Variants in ACAP2 observed in about 807,000 individuals in gnomAD.
The protein encoded by ACAP2 is arf-GAP with coiled-coil, ANK repeat and PH domain-containing protein 2.
In ACAP2, 39 loss-of-function variants were observed where a neutral mutation model predicts 115.8. The observed-to-expected ratio is 0.34, with a 90% confidence interval of 0.26 to 0.44. The LOEUF (loss-of-function observed/expected upper bound fraction) is 0.44, where lower values mean the gene tolerates loss of function less well. Ranked by LOEUF, ACAP2 falls within the 20% of genes least tolerant of loss-of-function variation. The probability of loss-of-function intolerance (pLI) is 1.00; values close to 1 mark genes in which losing one functional copy is unlikely to be tolerated. For missense variants in ACAP2, 662 were observed against 927.6 expected (o/e 0.71, Z 3.72); for synonymous variants, 289 against 315.8 (o/e 0.92, Z 0.90).
intron 4 of ACAP2, among the ~76,000 whole-genome samples, chr3:195,352,140 T>C (rs1208615807): frequency 6.6e-6 from 1 of 152,244 alleles, no homozygotes; most frequent in Non-Finnish European, 1.5e-5. Context: ...CTGTACTTTT[T>C]CTATGTTTAA....
intron 4 of ACAP2, among the ~76,000 whole-genome samples, chr3:195,367,501 C>CTA (rs752988678): frequency 6.6e-6 from 1 of 152,114 alleles, no homozygotes; most frequent in Non-Finnish European, 1.5e-5. Context: ...GAAAGGCAAC[C>CTA]TATATATATG....
chr3:195,328,500 C>T (rs537621565), intron 8 of ACAP2, among the ~76,000 whole-genome samples: 125 of 152,204 alleles, frequency 8.2e-4, no homozygotes, highest in South Asian at 1.4e-3. Flanking sequence ...ACTCTATGAT[C>T]TAATACACAC....
rs1727600148 is a variant in ACAP2, at chr3:195,295,689, G to A, written c.1672+19C>T. ...GCTTAAGAAAATAGCTATAGACACA[G>A]TAAGAAAGTTTGCCATACCTGAACT... is the stretch of plus-strand genomic sequence containing the variant. On this transcript the variant is annotated intron_variant, in intron 17 of 22. Transcript: ENST00000326793. The A allele has an allele frequency of 1.2e-6, 2 of 1,613,742 alleles. No homozygotes were observed. Among genetic ancestry groups the A allele is most frequent in the Non-Finnish European group, 1.7e-6 (2 of 1,179,708 alleles).
chr3:195,433,723 C>G (rs1577478369), intron 1 of ACAP2, among the ~76,000 whole-genome samples: 1 of 152,232 alleles, frequency 6.6e-6, no homozygotes, highest in East Asian at 1.9e-4. Flanking sequence ...TAATACTTTA[C>G]CCTATTATTA....
chr3:195,411,778 C>T (rs1157836828), intron 1 of ACAP2, among the ~76,000 whole-genome samples: 2 of 152,076 alleles, frequency 1.3e-5, no homozygotes, highest in Admixed American at 1.3e-4. Flanking sequence ...GGAGTGGTGG[C>T]TCATGCCTGT....
rs186273666 is a variant in ACAP2 at position 195,423,874 on chromosome 3, T to C, written c.53+18921A>G. Among the ~76,000 whole-genome samples, 77 of 152,206 alleles carry C rather than the reference T, an allele frequency of 5.1e-4. 1 individual carries two copies. The highest frequency in any genetic ancestry group is 1.7e-3 in the African/African-American group (72 of 41,532). On this transcript the variant is annotated intron_variant, in intron 1 of 22. Coordinates refer to ENST00000326793, the MANE Select transcript of ACAP2 (RefSeq NM_012287.6). Reference sequence around the variant, plus strand: ...TAGCACACATGTAGAAATGATGATATAATTTGCAGGGACTATTGACAAAAA... The same window carrying C: ...TAGCACACATGTAGAAATGATGATACAATTTGCAGGGACTATTGACAAAAA...
chr3:195,403,175 G>A (rs577775181), intron 1 of ACAP2, among the ~76,000 whole-genome samples: 10 of 152,300 alleles, frequency 6.6e-5, no homozygotes, highest in Admixed American at 2.0e-4. Flanking sequence ...GTGTTAACAG[G>A]CAGAAAAAGC....
At chr3:195,285,912 A>T in intron 21 of ACAP2, 55 bp from the exon 22 acceptor site, 1 of 1,316,950 alleles carries the variant, frequency 7.6e-7, no homozygotes, top group Non-Finnish European at 1.1e-6. Context: ...AAATGTCATA[A>T]ATAAAGTCTA....
At chr3:195,340,594 T>C (rs1302858316) in intron 6 of ACAP2, among the ~76,000 whole-genome samples, 1 of 152,024 alleles carries the variant, frequency 6.6e-6, no homozygotes, top group Non-Finnish European at 1.5e-5. Flanking sequence ...AAATAGAAGT[T>C]GGGAGGAAGA....
chr3:195,385,545 G>C (rs747163298), intron 2 of ACAP2, among the ~76,000 whole-genome samples: 38 of 151,852 alleles, frequency 2.5e-4, no homozygotes, highest in Non-Finnish European at 4.3e-4. Flanking sequence ...AAACTAAAAT[G>C]GTAAGAACAG....
intron 1 of ACAP2, among the ~76,000 whole-genome samples, chr3:195,413,477 G>A (rs1023991956): frequency 3.3e-5 from 5 of 152,076 alleles, no homozygotes; most frequent in South Asian, 2.1e-4. Flanking sequence ...GGCCGGACAC[G>A]ATGGCTCATG....
chr3:195,388,557 C>T (rs1274289075), intron 2 of ACAP2, among the ~76,000 whole-genome samples: 1 of 152,202 alleles, frequency 6.6e-6, no homozygotes, highest in Non-Finnish European at 1.5e-5. Context: ...ATAGGTGGAA[C>T]TTGCCCTGCA....
chr3:195,366,831 A>C (rs1006740178), intron 4 of ACAP2, among the ~76,000 whole-genome samples: 1 of 152,194 alleles, frequency 6.6e-6, no homozygotes, highest in Non-Finnish European at 1.5e-5. Context: ...TGGCAGATAC[A>C]GTCTCCGTAA....
At chr3:195,398,047 T>C in intron 1 of ACAP2, among the ~76,000 whole-genome samples, 1 of 152,230 alleles carries the variant, frequency 6.6e-6, no homozygotes, top group East Asian at 1.9e-4. Context: ...ACAATACTGC[T>C]GTCCCTTTCC....
rs1233379693 is a variant in ACAP2, at chr3:195,294,760, G to A, written c.1724C>T (p.Ser575Phe). 2.5e-6 allele frequency: 4 copies of A among 1,610,630 alleles called. No homozygotes were observed. The highest frequency in any genetic ancestry group is 3.4e-6 in the Non-Finnish European group (4 of 1,177,890). ...ATTGGCTGACACCGTGGAGGGTAAAGATTCTCTTCCATCATCAGAGCTCTG... is the reference window on the plus strand; with the variant it reads ...ATTGGCTGACACCGTGGAGGGTAAAAATTCTCTTCCATCATCAGAGCTCTG... ...IQQSSDDGRE[S>F]LPSTVSANSL... Residue 575 changes from serine to phenylalanine, a missense_variant, in exon 18 of 23, where the codon TCT (serine) becomes TTT (phenylalanine). Physicochemically the swap from Ser to Phe is radical, Grantham distance 155 (BLOSUM62 -2). This residue lies in a region of ACAP2 where 133 missense variants were observed against 123.1 expected (regional missense o/e 1.08). Transcript: ENST00000326793.
chr3:195,395,082 AAT>A (rs1711631825), intron 1 of ACAP2, among the ~76,000 whole-genome samples: 1 of 145,036 alleles, frequency 6.9e-6, no homozygotes, highest in African/African-American at 2.9e-5. Context: ...TTAAAAAACT[AAT>A]AAGTGAAATA....
intron 8 of ACAP2, among the ~76,000 whole-genome samples, chr3:195,327,487 C>T (rs540791922): frequency 3.9e-5 from 6 of 152,002 alleles, no homozygotes; most frequent in Admixed American, 2.6e-4. Flanking sequence ...TAATGTCATA[C>T]TCAAATCTAA....
At chr3:195,368,364 G>A (rs530484205) in intron 4 of ACAP2, among the ~76,000 whole-genome samples, 2 of 152,202 alleles carry the variant, frequency 1.3e-5, no homozygotes, top group South Asian at 4.2e-4. Flanking sequence ...TGGCCAGACT[G>A]GTCTCAAACT....
At chr3:195,394,015 C>T (rs974907298) in intron 1 of ACAP2, among the ~76,000 whole-genome samples, 2 of 152,008 alleles carry the variant, frequency 1.3e-5, no homozygotes, top group Non-Finnish European at 2.9e-5. Flanking sequence ...TAAGGATTTG[C>T]GCTTTTTACT....
Sources: gnomAD v4.1 joint callset for allele counts (sites outside exome capture counted in the v4.1 genomes callset) on GRCh38, gnomAD v4.1.1 for gene constraint, gnomAD v4.1.1 regional missense constraint, MANE v1.5 for transcripts, NCBI Gene and HGNC (gene_info 2026-07-23, HGNC 2026-07-21) for gene names.